Variants in SNURF observed in about 807,000 individuals in gnomAD.
The protein encoded by SNURF is SNRPN upstream open reading frame.
Under a neutral mutation model 11.6 loss-of-function variants are expected in SNURF, and 6 were observed. That is an observed-to-expected ratio of 0.52 (90% CI 0.28 to 1.02). SNURF has a LOEUF of 1.02. SNURF is among the 50% of genes least tolerant of loss of function. SNURF has a pLI of 0.09. For synonymous variants in SNURF, 29 were observed against 31.6 expected (o/e 0.92, Z 0.27); for missense variants, 84 against 88.4 (o/e 0.95, Z 0.20).
chr15:24,977,925 T>G (rs554563821), downstream of SNURF: 8 of 1,552,350 alleles, frequency 5.2e-6, no homozygotes, highest in South Asian at 8.5e-5. Context: ...AGGTAAGGGA[T>G]TGGTGAACAC....
At chr15:24,962,067 T>C in intron 1 of SNURF, 47 bp from the exon 2 acceptor site, 1 of 1,419,840 alleles carries the variant, frequency 7.0e-7, no homozygotes, top group South Asian at 1.1e-5. Flanking sequence ...AGTTATTTCA[T>C]AGATTGATGC....
chr15:24,975,274 T>G, intron 3 of SNURF: 1 of 1,065,222 alleles, frequency 9.4e-7, no homozygotes, highest in Non-Finnish European at 1.4e-6. Context: ...GCTTAGATTA[T>G]GTAAGGGTGG....
intron 1 of SNURF, among the ~76,000 whole-genome samples, chr15:24,959,505 G>C (rs1484639918): frequency 1.3e-5 from 2 of 152,126 alleles, no homozygotes. Flanking sequence ...ATTTTGGTTT[G>C]ATGGCTATTT....
exon 4 of SNURF, chr15:24,975,398 A>G (rs2076951943): frequency 1.2e-6 from 2 of 1,613,538 alleles, no homozygotes; most frequent in Non-Finnish European, 1.7e-6. Flanking sequence ...CACATTGACT[A>G]TAGAATGAGA....
In SNURF at chr15:24,962,229, G is replaced by A; in HGVS notation, c.110+20G>A. 1 of 1,595,832 alleles carries A rather than the reference G, an allele frequency of 6.3e-7. No individual in the cohort carries two copies. The highest frequency in any genetic ancestry group is 8.6e-7 in the Non-Finnish European group (1 of 1,163,518). ...CCAAGAGTGAGTACAGACTGTGTTG[G>A]GAACAAATGCAAGTCAGAATCTCCT... On this transcript the variant is annotated intron_variant, in intron 2 of 2. Coordinates refer to ENST00000577949, the Ensembl canonical transcript of SNURF.
At chr15:24,973,660 CT>C (rs2076726467), downstream of SNURF, among the ~76,000 whole-genome samples, 2 of 151,954 alleles carry the variant, frequency 1.3e-5, no homozygotes, top group African/African-American at 4.8e-5. Flanking sequence ...TTGGCCTCCC[CT>C]GGTGCTGGGA....
intron 4 of SNURF, chr15:24,975,540 A>G: frequency 1.9e-6 from 3 of 1,597,952 alleles, no homozygotes; most frequent in Non-Finnish European, 2.6e-6. Flanking sequence ...TGGGGGTTGG[A>G]CACAGAGGCA....
downstream of SNURF, chr15:24,978,176 A>G: frequency 6.2e-7 from 1 of 1,608,330 alleles, no homozygotes; most frequent in East Asian, 2.2e-5. Context: ...CTTTATTTCT[A>G]CCATTTTTCA....
chr15:24,964,428 G>A (rs1349704213), intron 2 of SNURF, among the ~76,000 whole-genome samples: 1 of 152,096 alleles, frequency 6.6e-6, no homozygotes, highest in Non-Finnish European at 1.5e-5. Context: ...AAGTAACTGG[G>A]ATTATAGGTG....
At chr15:24,975,371 G>A in exon 4 of SNURF, 1 of 1,613,670 alleles carries the variant, frequency 6.2e-7, no homozygotes, top group Non-Finnish European at 8.5e-7. Context: ...GTTGGCAAGA[G>A]TAGCAAGATG....
At chr15:24,955,827 C>A (rs1357153878) in intron 1 of SNURF, among the ~76,000 whole-genome samples, 1 of 150,508 alleles carries the variant, frequency 6.6e-6, no homozygotes, top group Admixed American at 6.6e-5. Context: ...CGGCGGTAGG[C>A]ATGGCGGCGG....
intron 2 of SNURF, among the ~76,000 whole-genome samples, chr15:24,963,090 G>C (rs186203408): frequency 2.6e-5 from 4 of 152,254 alleles, no homozygotes; most frequent in Admixed American, 2.6e-4. Context: ...AGTGGGGAGA[G>C]AGGAAGGGAG....
At chr15:24,976,259 G>A (rs749915726) in intron 4 of SNURF, 1 of 1,375,168 alleles carries the variant, frequency 7.3e-7, no homozygotes, top group Non-Finnish European at 1.0e-6. Flanking sequence ...TGATGAGTGA[G>A]TGATCACTAA....
At chr15:24,977,743 C>T (rs769491735) in intron 6 of SNURF, 2 of 1,548,986 alleles carry the variant, frequency 1.3e-6, no homozygotes, top group South Asian at 1.2e-5. Flanking sequence ...TGAAGGTTTG[C>T]ATCGCTTTGA....
chr15:24,965,363 C>A (rs2075455783), intron 2 of SNURF, among the ~76,000 whole-genome samples: 1 of 151,926 alleles, frequency 6.6e-6, no homozygotes, highest in Non-Finnish European at 1.5e-5. Flanking sequence ...CATGGTGAAA[C>A]CTCATCTCTA....
chr15:24,964,374 C>G (rs555963741), intron 2 of SNURF, among the ~76,000 whole-genome samples: 1 of 152,124 alleles, frequency 6.6e-6, no homozygotes, highest in Non-Finnish European at 1.5e-5. Context: ...TGGAGTGCAA[C>G]CTCCGCCTAC....
chr15:24,978,522 T>A (rs924655739), downstream of SNURF: 1 of 1,290,256 alleles, frequency 7.8e-7, no homozygotes, highest in African/African-American at 1.5e-5. Flanking sequence ...TGTGAGCTTT[T>A]TGTTCCCTCA....
intron 1 of SNURF, among the ~76,000 whole-genome samples, chr15:24,958,309 G>T (rs928544838): frequency 6.6e-6 from 1 of 151,246 alleles, no homozygotes; most frequent in Non-Finnish European, 1.5e-5. Flanking sequence ...ATTTAAGCAG[G>T]TTGTGAGTAC....
At chr15:24,955,741 G>A (rs1380495329) in intron 1 of SNURF, among the ~76,000 whole-genome samples, 1 of 151,584 alleles carries the variant, frequency 6.6e-6, no homozygotes, top group Admixed American at 6.6e-5. Context: ...CTGGGAGGTA[G>A]GGGGAAGGCG....
Sources: allele counts gnomAD v4.1 joint callset (sites outside exome capture counted in the v4.1 genomes callset), GRCh38; gene constraint gnomAD v4.1.1; transcripts MANE v1.5; gene names NCBI Gene and HGNC (gene_info 2026-07-23, HGNC 2026-07-21).